BACH2: variants seen among roughly 807,000 people sequenced by gnomAD.
BACH2 encodes BACH transcriptional regulator 2, also known as transcription regulator protein BACH2.
A neutral mutation model predicts 61.8 loss-of-function variants in BACH2; 5 were observed. That is an observed-to-expected ratio of 0.08 (90% CI 0.04 to 0.17). The LOEUF is 0.17. Ranked by LOEUF, BACH2 falls within the 10% of genes least tolerant of loss-of-function variation. The pLI is 1.00. For synonymous variants in BACH2, 446 were observed against 440.1 expected (o/e 1.01, Z -0.17); for missense variants, 824 against 1,091.1 (o/e 0.76, Z 3.45).
At chr6:90,170,574 G>A (rs565098755) in intron 4 of BACH2, among the ~76,000 whole-genome samples, 3 of 152,300 alleles carry the variant, frequency 2.0e-5, no homozygotes, top group African/African-American at 7.2e-5. Context: ...AAGAAAAAAA[G>A]ACAAAATCTT....
chr6:90,295,654 G>GGT (rs138869202), intron 1 of BACH2, among the ~76,000 whole-genome samples: 27,680 of 147,706 alleles, frequency 0.19, 2,596 homozygotes, highest in East Asian at 0.37. Context: ...TGGAGTGTAG[G>GGT]GTGTGTGTGT....
intron 3 of BACH2, among the ~76,000 whole-genome samples, chr6:90,217,089 C>T (rs1582497227): frequency 6.6e-6 from 1 of 152,292 alleles, no homozygotes; most frequent in East Asian, 1.9e-4. Context: ...TACCAGTTCT[C>T]TCCTTGAGCG....
intron 5 of BACH2, among the ~76,000 whole-genome samples, chr6:90,060,044 G>A (rs1780600086): frequency 6.6e-6 from 1 of 151,014 alleles, no homozygotes; most frequent in Admixed American, 6.6e-5. Context: ...GTTAATGGGT[G>A]CAGCACACCA....
chr6:89,938,293 T>C lies in BACH2; in HGVS notation c.1894A>G (p.Met632Val), dbSNP rs761884415. The change falls in exon 8 of 9, where the codon ATG becomes GTG. Residue 632 changes from methionine (M) to valine (V), a missense_variant. Met to Val is a conservative substitution (Grantham distance 21). Coordinates refer to ENST00000257749, the MANE Select transcript of BACH2 (RefSeq NM_021813.4). ...ITDLPRNDFQMMIKMHKLTSE... is the reference protein window; with the variant it reads ...ITDLPRNDFQVMIKMHKLTSE... ...GTTAGCTTGTGCATTTTAATCATCA[T>C]CTGGAAATCGTTCCTTGGAAGATCT... 3 of 1,614,144 alleles carry C rather than the reference T, an allele frequency of 1.9e-6. No homozygotes were observed. In the South Asian group the frequency reaches 3.3e-5, roughly 18 times the overall value.
At chr6:90,041,548 CTGTT>C (rs1337134360) in intron 5 of BACH2, among the ~76,000 whole-genome samples, 1 of 152,098 alleles carries the variant, frequency 6.6e-6, no homozygotes, top group African/African-American at 2.4e-5. Flanking sequence ...GTGCTAGGCT[CTGTT>C]TGCTAATATT....
chr6:90,093,902 A>G (rs978094513), intron 4 of BACH2, among the ~76,000 whole-genome samples: 6 of 152,206 alleles, frequency 3.9e-5, no homozygotes, highest in African/African-American at 1.4e-4. Context: ...GTAATGCTAC[A>G]CTAAGCATGA....
rs557099495 is a variant in BACH2, at chr6:90,290,722, T to C, written c.-446+5758A>G. Among the ~76,000 whole-genome samples the C allele has an allele frequency of 2.0e-5, 3 of 152,298 alleles. No homozygotes were observed. The East Asian group carries it at 5.8e-4, about 29-fold the overall frequency. On this transcript the variant is annotated intron_variant, in intron 1 of 8. Transcript: ENST00000257749. ...TCCGAAGTGAAGGTCTAAGCTGTCT[T>C]TGGGTTAGACTCCTGGAAAGTCTTG...
chr6:90,113,130 A>G (rs1346961147), intron 4 of BACH2, among the ~76,000 whole-genome samples: 1 of 152,196 alleles, frequency 6.6e-6, no homozygotes, highest in Non-Finnish European at 1.5e-5. Context: ...CTACAAAGAG[A>G]TACAGATTCC....
chr6:90,138,993 A>C (rs1482738935), intron 4 of BACH2, among the ~76,000 whole-genome samples: 1 of 152,152 alleles, frequency 6.6e-6, no homozygotes, highest in Non-Finnish European at 1.5e-5. Flanking sequence ...ATCTTTTTGA[A>C]GGATTGTCCT....
At chr6:89,989,712 C>T (rs543285346) in intron 6 of BACH2, among the ~76,000 whole-genome samples, 2 of 152,204 alleles carry the variant, frequency 1.3e-5, no homozygotes, top group Non-Finnish European at 2.9e-5. Flanking sequence ...AGAACCTCAG[C>T]AATTCTTGAA....
intron 3 of BACH2, among the ~76,000 whole-genome samples, chr6:90,230,725 T>C (rs1467516094): frequency 6.6e-6 from 1 of 152,210 alleles, no homozygotes; most frequent in Admixed American, 6.5e-5. Context: ...TGTGGAGACC[T>C]GGCTCTGCCC....
intron 5 of BACH2, among the ~76,000 whole-genome samples, chr6:90,060,570 A>G (rs1461433267): frequency 1.3e-5 from 2 of 152,098 alleles, no homozygotes; most frequent in African/African-American, 2.4e-5. Context: ...TTTTCTTTAT[A>G]TAAGGTAGTC....
chr6:89,990,938 T>C (rs530741654), intron 6 of BACH2, among the ~76,000 whole-genome samples: 2 of 152,352 alleles, frequency 1.3e-5, no homozygotes, highest in South Asian at 4.1e-4. Context: ...CAGCTTCTTC[T>C]GGTCATTCAG....
intron 3 of BACH2, among the ~76,000 whole-genome samples, chr6:90,220,895 A>G (rs1350474458): frequency 1.3e-5 from 2 of 152,182 alleles, no homozygotes; most frequent in Non-Finnish European, 2.9e-5. Context: ...TATTACAGGT[A>G]TTTGTGCTTT....
intron 5 of BACH2, among the ~76,000 whole-genome samples, chr6:90,071,625 C>T (rs1487916623): frequency 2.6e-5 from 4 of 152,162 alleles, no homozygotes; most frequent in Non-Finnish European, 5.9e-5. Flanking sequence ...GCTTCACTTT[C>T]GGATGTTCTT....
intron 3 of BACH2, among the ~76,000 whole-genome samples, chr6:90,219,552 C>G (rs1294042984): frequency 5.3e-5 from 8 of 152,160 alleles, no homozygotes; most frequent in African/African-American, 1.9e-4. Context: ...AAAACTTTAC[C>G]TGACATGGCA....
At chr6:89,981,711 T>G (rs563862612) in intron 6 of BACH2, among the ~76,000 whole-genome samples, 21 of 152,322 alleles carry the variant, frequency 1.4e-4, no homozygotes, top group Middle Eastern at 3.4e-3. Flanking sequence ...TTCAAGTGGA[T>G]TCTCTTTAAA....
chr6:90,102,004 T>A (rs7773529), intron 4 of BACH2, among the ~76,000 whole-genome samples: 2 of 152,198 alleles, frequency 1.3e-5, no homozygotes, highest in African/African-American at 4.8e-5. Flanking sequence ...CCTGCAAAAC[T>A]GATGATCTTA....
intron 4 of BACH2, among the ~76,000 whole-genome samples, chr6:90,125,681 G>A (rs1884573): frequency 0.04 from 6,030 of 152,284 alleles, 364 homozygotes; most frequent in African/African-American, 0.13. Flanking sequence ...TGCAGACCAT[G>A]CCCATTCCAC....
Sources: allele counts gnomAD v4.1 joint callset (sites outside exome capture counted in the v4.1 genomes callset), GRCh38; gene constraint gnomAD v4.1.1; transcripts MANE v1.5; gene names NCBI Gene and HGNC (gene_info 2026-07-23, HGNC 2026-07-21).